CTTNBP2: variants seen among roughly 807,000 people sequenced by gnomAD.
CTTNBP2 encodes the protein cortactin binding protein 2.
CTTNBP2 carries 108 observed loss-of-function variants against 156.9 expected under a neutral mutation model. The observed-to-expected ratio is 0.69, with a 90% CI of 0.59 to 0.81. The LOEUF (loss-of-function observed/expected upper bound fraction) is 0.81. Among genes scored for constraint, CTTNBP2 ranks in the 30% least tolerant of loss-of-function variants. The pLI is 0.00. For missense variants in CTTNBP2, 1,924 were observed against 2,035.4 expected, an observed-to-expected ratio of 0.95 and a Z score of 1.05; for synonymous variants, 767 against 751.8, an observed-to-expected ratio of 1.02 and a Z score of -0.33.
intron 9 of CTTNBP2, among the ~76,000 whole-genome samples, chr7:117,765,413 C>A (rs1797434324): frequency 6.6e-6 from 1 of 152,160 alleles, no homozygotes; most frequent in South Asian, 2.1e-4. Flanking sequence ...CGAATAATTA[C>A]TAACCCTATT....
At chr7:117,860,912 A>T (rs1803685821) in intron 2 of CTTNBP2, among the ~76,000 whole-genome samples, 1 of 152,198 alleles carries the variant, frequency 6.6e-6, no homozygotes, top group South Asian at 2.1e-4. Context: ...ACACGTTTCT[A>T]ACCAAATAAA....
intron 12 of CTTNBP2, among the ~76,000 whole-genome samples, chr7:117,753,550 T>C (rs1256585393): frequency 6.6e-6 from 1 of 152,148 alleles, no homozygotes; most frequent in Non-Finnish European, 1.5e-5. Flanking sequence ...GTGGTACATA[T>C]ACACCATGGA....
chr7:117,854,252 T>A (rs1056613968), intron 2 of CTTNBP2, among the ~76,000 whole-genome samples: 1 of 152,234 alleles, frequency 6.6e-6, no homozygotes, highest in Non-Finnish European at 1.5e-5. Context: ...TCATTAATTA[T>A]AATGAACAGC....
intron 3 of CTTNBP2, among the ~76,000 whole-genome samples, chr7:117,804,240 A>C (rs910782807): frequency 6.6e-6 from 1 of 152,134 alleles, no homozygotes; most frequent in Non-Finnish European, 1.5e-5. Context: ...TGGGATTACA[A>C]GTGTGAGCCA....
At chr7:117,766,920 C>T (rs1797513910) in intron 9 of CTTNBP2, 139 bp downstream of exon 9, 3 of 621,522 alleles carry the variant, frequency 4.8e-6, no homozygotes, top group Non-Finnish European at 8.7e-6. Flanking sequence ...ATCACACTTA[C>T]AGTCAGTATT....
At position 117,784,587 on chromosome 7, in the gene CTTNBP2, T is replaced by C. The variant is rs954386902; in HGVS notation, c.2069-133A>G. The C allele has an allele frequency of 1.1e-5, 6 of 558,490 alleles. No homozygotes were observed. The African/African-American group carries it at 1.1e-4, about 11-fold the overall frequency. 34.6% of individuals were successfully genotyped at this position (558,490 alleles called of 1,614,324 possible). ...TAGAGGATTATGTGGTTTCTAACAT[T>C]ATCAATCTGTTAATATTTACTTAGC... is the stretch of plus-strand genomic sequence containing the variant. On this transcript the variant is annotated intron_variant, in intron 4 of 22. Coordinates refer to ENST00000160373, the MANE Select transcript of CTTNBP2 (RefSeq NM_033427.3).
rs887006104 is a variant in CTTNBP2 at position 117,831,559 on chromosome 7, C to G, written c.190-20570G>C. 9.2e-5 allele frequency among the ~76,000 whole-genome samples: 14 copies of G among 152,284 alleles called. 1 individual carries two copies. Among genetic ancestry groups the G allele is most frequent in the African/African-American group, 3.4e-4 (14 of 41,568 alleles). ...CTGTGAGCTTGGGTCCATCCAGAAT[C>G]TGCCATCTGTGCTCTTTCTAAAGTA... is the stretch of plus-strand genomic sequence containing the variant. On this transcript the variant is annotated intron_variant, in intron 2 of 22. Transcript: ENST00000160373.
chr7:117,818,834 C>T (rs1478927524), intron 2 of CTTNBP2, among the ~76,000 whole-genome samples: 1 of 152,086 alleles, frequency 6.6e-6, no homozygotes, highest in Non-Finnish European at 1.5e-5. Flanking sequence ...ACATGATTCC[C>T]AAGGAATAAA....
intron 2 of CTTNBP2, among the ~76,000 whole-genome samples, chr7:117,816,965 T>C (rs1489757368): frequency 1.3e-5 from 2 of 152,102 alleles, no homozygotes; most frequent in Non-Finnish European, 2.9e-5. Flanking sequence ...AAATGAGTCA[T>C]TATGAAGACA....
At chr7:117,805,646 C>T (rs565302827) in intron 3 of CTTNBP2, among the ~76,000 whole-genome samples, 3 of 152,320 alleles carry the variant, frequency 2.0e-5, no homozygotes, top group African/African-American at 7.2e-5. Context: ...TTGAAACCTC[C>T]TGTCATTATC....
At chr7:117,721,545 T>A (rs865862256) in intron 19 of CTTNBP2, among the ~76,000 whole-genome samples, 1 of 152,262 alleles carries the variant, frequency 6.6e-6, no homozygotes, top group African/African-American at 2.4e-5. Flanking sequence ...TTTGTGTGCA[T>A]TCTAACACTA....
At chr7:117,781,076 G>C (rs1199332904) in intron 6 of CTTNBP2, among the ~76,000 whole-genome samples, 2 of 152,260 alleles carry the variant, frequency 1.3e-5, no homozygotes, top group East Asian at 3.8e-4. Flanking sequence ...GAAAGGCTGA[G>C]AAAAGGGTTG....
chr7:117,783,982 T>C (rs1798565782), intron 5 of CTTNBP2, among the ~76,000 whole-genome samples: 1 of 152,204 alleles, frequency 6.6e-6, no homozygotes, highest in Non-Finnish European at 1.5e-5. Context: ...CAGGTATTTC[T>C]AACAGACCAT....
intron 22 of CTTNBP2, 86 bp from the exon 23 acceptor site, chr7:117,711,868 C>T: frequency 2.2e-6 from 3 of 1,335,752 alleles, no homozygotes; most frequent in Non-Finnish European, 3.1e-6. Flanking sequence ...AGCAAATGTA[C>T]AGGAGTTTCT....
In CTTNBP2 at chr7:117,710,701, TGTAA is replaced by T. The variant is rs146286060; in HGVS notation, c.*832_*835del. The T allele has an allele frequency of 7.4e-4, 113 of 152,700 alleles. No individual in the cohort carries two copies. The highest frequency in any genetic ancestry group is 2.6e-3 in the African/African-American group (108 of 41,526). 9.5% of individuals were successfully genotyped at this position (152,700 alleles called of 1,614,324 possible). On this transcript the variant is annotated 3_prime_UTR_variant, in exon 23 of 23. Coordinates refer to ENST00000160373, the MANE Select transcript of CTTNBP2 (RefSeq NM_033427.3). ...GTGTCAAAGCATCTTAACTGAATTG[TGTAA>T]GTAATTTTGTCTGTAATTTTAGAAG...
chr7:117,800,440 C>T (rs1799548444), intron 3 of CTTNBP2, among the ~76,000 whole-genome samples: 1 of 151,906 alleles, frequency 6.6e-6, no homozygotes, highest in Admixed American at 6.6e-5. Flanking sequence ...ACAGATTACC[C>T]ACATGTATGC....
chr7:117,829,908 G>A (rs1383718492), intron 2 of CTTNBP2, among the ~76,000 whole-genome samples: 2 of 152,158 alleles, frequency 1.3e-5, no homozygotes, highest in African/African-American at 2.4e-5. Flanking sequence ...AGACTGTTTT[G>A]CCTGTGTAGT....
intron 2 of CTTNBP2, among the ~76,000 whole-genome samples, chr7:117,819,367 TCACACACACACACACACACACA>T (rs71529472): frequency 1.1e-4 from 14 of 130,610 alleles, no homozygotes; most frequent in East Asian, 2.4e-4. Context: ...TCTCTCTCTC[TCACACACACACACACACACACA>T]CACACACACA....
chr7:117,787,194 A>T (rs1450833064), intron 4 of CTTNBP2, among the ~76,000 whole-genome samples: 1 of 152,206 alleles, frequency 6.6e-6, no homozygotes, highest in Admixed American at 6.5e-5. Context: ...TACTTAGTTA[A>T]GAGGTTAAAT....
Sources: gnomAD v4.1 joint callset for allele counts (sites outside exome capture counted in the v4.1 genomes callset) on GRCh38, gnomAD v4.1.1 for gene constraint, MANE v1.5 for transcripts, NCBI Gene and HGNC (gene_info 2026-07-23, HGNC 2026-07-21) for gene names.